CAMTA1: variants seen among roughly 807,000 people sequenced by gnomAD.
CAMTA1 encodes calmodulin-binding transcription activator 1.
Under a neutral mutation model 170.9 loss-of-function variants are expected in CAMTA1, and 27 were observed. The ratio of observed to expected loss-of-function variants is 0.16; its 90% CI spans 0.12 to 0.22. CAMTA1 has a LOEUF of 0.22. CAMTA1 is among the 10% of genes least tolerant of loss of function. CAMTA1 has a pLI of 1.00. For missense variants in CAMTA1, 1,619 were observed against 2,217.2 expected (o/e 0.73, Z 5.42); for synonymous variants, 833 against 891.5 (o/e 0.93, Z 1.17).
chr1:7,535,127 G>T (rs2094534505), intron 6 of CAMTA1, among the ~76,000 whole-genome samples: 1 of 151,618 alleles, frequency 6.6e-6, no homozygotes, highest in Non-Finnish European at 1.5e-5. Context: ...GCAGGTCCAT[G>T]CCAGGGGTGA....
At chr1:7,231,265 G>A (rs1458589694) in intron 4 of CAMTA1, among the ~76,000 whole-genome samples, 1 of 152,150 alleles carries the variant, frequency 6.6e-6, no homozygotes, top group Non-Finnish European at 1.5e-5. Flanking sequence ...AAGCCAAGCA[G>A]GCTGGCTCAG....
At chr1:7,586,176 G>C (rs1418827195) in intron 6 of CAMTA1, among the ~76,000 whole-genome samples, 1 of 152,046 alleles carries the variant, frequency 6.6e-6, no homozygotes, top group South Asian at 2.1e-4. Context: ...TCAGGGCCCC[G>C]GGCACCCTCC....
intron 4 of CAMTA1, among the ~76,000 whole-genome samples, chr1:7,110,319 G>A (rs548476951): frequency 2.6e-5 from 4 of 152,050 alleles, no homozygotes; most frequent in South Asian, 2.1e-4. Flanking sequence ...GGGCTAGAAT[G>A]TTCTGAGGCA....
chr1:6,876,375 T>A (rs1391949227), intron 3 of CAMTA1, among the ~76,000 whole-genome samples: 2 of 151,928 alleles, frequency 1.3e-5, no homozygotes, highest in Admixed American at 1.3e-4. Flanking sequence ...ATTTTTTTTT[T>A]TTTGAGACGG....
chr1:7,461,446 A>AGCACTTGAAATGTGGCTGCTGC, intron 5 of CAMTA1, among the ~76,000 whole-genome samples: 1 of 152,244 alleles, frequency 6.6e-6, no homozygotes, highest in Non-Finnish European at 1.5e-5. Context: ...GTGGCTGTTG[A>AGCACTTGAAATGTGGCTGCTGC]GCACTTGAAA....
chr1:6,952,702 C>T (rs991555290), intron 3 of CAMTA1, among the ~76,000 whole-genome samples: 4 of 152,024 alleles, frequency 2.6e-5, no homozygotes, highest in East Asian at 1.9e-4. Flanking sequence ...GGTGTGGTGA[C>T]GGGCATCTGT....
At chr1:7,223,785 G>T (rs1298473209) in intron 4 of CAMTA1, among the ~76,000 whole-genome samples, 1 of 152,188 alleles carries the variant, frequency 6.6e-6, no homozygotes, top group Non-Finnish European at 1.5e-5. Context: ...TGAATAAGGA[G>T]CTTAGAAGAG....
chr1:6,906,700 C>T (rs1417446349), intron 3 of CAMTA1, among the ~76,000 whole-genome samples: 1 of 152,224 alleles, frequency 6.6e-6, no homozygotes, highest in Non-Finnish European at 1.5e-5. Flanking sequence ...CTTCCCCACT[C>T]TGGCTGTTGT....
chr1:7,356,238 T>C (rs1360900001), intron 5 of CAMTA1, among the ~76,000 whole-genome samples: 1 of 152,234 alleles, frequency 6.6e-6, no homozygotes, highest in Non-Finnish European at 1.5e-5. Flanking sequence ...AACATGCCTA[T>C]GAAGAGGTGT....
intron 5 of CAMTA1, among the ~76,000 whole-genome samples, chr1:7,406,605 T>G (rs1394933548): frequency 1.3e-5 from 2 of 151,754 alleles, no homozygotes; most frequent in African/African-American, 4.8e-5. Context: ...CACACACGGA[T>G]GTACACACAC....
chr1:7,678,700 G>T (rs754954551), intron 11 of CAMTA1, among the ~76,000 whole-genome samples: 1 of 152,196 alleles, frequency 6.6e-6, no homozygotes, highest in Admixed American at 6.5e-5. Context: ...GCCCACAGAG[G>T]TGACACTCCA....
intron 3 of CAMTA1, among the ~76,000 whole-genome samples, chr1:6,868,035 G>T (rs932333739): frequency 6.6e-6 from 1 of 152,076 alleles, no homozygotes; most frequent in Non-Finnish European, 1.5e-5. Context: ...AAACTTCTGG[G>T]CTCAAGTGAT....
In CAMTA1 at chr1:7,014,760, C is replaced by T. The variant is rs1044603122; in HGVS notation, c.235-76544C>T. Among the ~76,000 whole-genome samples the T allele has an allele frequency of 4.6e-5, 7 of 152,274 alleles. No homozygotes were observed. The highest frequency in any genetic ancestry group is 1.7e-4 in the African/African-American group (7 of 41,562). The stretch of plus-strand genomic sequence containing the variant: ...GCCGAGGGGGCCAGTCTAGAGGTTA[C>T]ACATTCTGAGCTACCTTTCGGGGTC... On this transcript the variant is annotated intron_variant, in intron 3 of 22. Transcript: ENST00000303635. This position sits in a 1 kb window ranked among gnomAD's most constrained non-coding sequence, Gnocchi z 4.2.
At chr1:7,175,984 C>T (rs1431301575) in intron 4 of CAMTA1, among the ~76,000 whole-genome samples, 1 of 152,176 alleles carries the variant, frequency 6.6e-6, no homozygotes, top group Non-Finnish European at 1.5e-5. Context: ...TGAAGTGGGT[C>T]AGCAAAGCAG....
At chr1:7,522,195 AG>A (rs1377596323) in intron 6 of CAMTA1, among the ~76,000 whole-genome samples, 1 of 152,146 alleles carries the variant, frequency 6.6e-6, no homozygotes, top group East Asian at 1.9e-4. Flanking sequence ...ACATTTTGAT[AG>A]GTATGTAGTA....
Position 7,334,005 on chromosome 1 carries a change from G to A in CAMTA1, c.438+84379G>A, listed in dbSNP as rs564788404. On this transcript the variant is annotated intron_variant, in intron 5 of 22. Transcript: ENST00000303635. ...GCCTGATGTGGGCAAATTGTGTCAC[G>A]TAGCCAGGCAAGTGGGAAGGAGAGG... Among the ~76,000 whole-genome samples the A allele has an allele frequency of 1.6e-4, 24 of 152,286 alleles. No individual in the cohort carries two copies. The South Asian group carries it at 4.1e-3, about 26-fold the overall frequency.
Position 7,179,411 on chromosome 1 carries a change from A to G in CAMTA1, c.303-70080A>G, listed in dbSNP as rs143475734. Among the ~76,000 whole-genome samples, 943 of 152,344 alleles carry G rather than the reference A, an allele frequency of 6.2e-3. 4 individuals carry two copies. Among genetic ancestry groups the G allele is most frequent in the African/African-American group, 0.022 (899 of 41,568 alleles). ...GAAGATAGGTATTATGGAGATATAG[A>G]TATCTTTATGTATACATTTATGCCA... is the stretch of plus-strand genomic sequence containing the variant. On this transcript the variant is annotated intron_variant, in intron 4 of 22. Transcript: ENST00000303635.
rs1000445902 is a variant in CAMTA1 at position 7,293,433 on chromosome 1, G to A, written c.438+43807G>A. On this transcript the variant is annotated intron_variant, in intron 5 of 22. Coordinates refer to ENST00000303635, the MANE Select transcript of CAMTA1 (RefSeq NM_015215.4). The surrounding 1 kb of genome is among the most constrained non-coding windows in gnomAD (Gnocchi z 4.1). ...GTCGTTTGTCAGTGAAGACAGAAGA[G>A]TCACAATGAGCCGATTTATAGAGTA... Among the ~76,000 whole-genome samples the A allele has an allele frequency of 6.6e-6, 1 of 152,102 alleles. No homozygotes were observed. The highest frequency in any genetic ancestry group is 2.4e-5 in the African/African-American group (1 of 41,356).
rs572806043 is a variant in CAMTA1, at chr1:7,440,346, A to G, written c.439-27484A>G. On this transcript the variant is annotated intron_variant, in intron 5 of 22. Transcript: ENST00000303635. Reference sequence around the variant, plus strand: ...TGCAGCCTGGGCAGGCCGGAGGCCAATGTCCCCAGGGCAGAGCTGGGACAG... The same window carrying G: ...TGCAGCCTGGGCAGGCCGGAGGCCAGTGTCCCCAGGGCAGAGCTGGGACAG... Among the ~76,000 whole-genome samples, 19 of 152,356 alleles carry G rather than the reference A, an allele frequency of 1.2e-4. No individual in the cohort carries two copies. In the South Asian group the frequency reaches 3.5e-3, roughly 28 times the overall value.
Sources: gnomAD v4.1 joint callset for allele counts (sites outside exome capture counted in the v4.1 genomes callset) on GRCh38, gnomAD v4.1.1 for gene constraint, Gnocchi (gnomAD v3.1) non-coding constraint, MANE v1.5 for transcripts, NCBI Gene and HGNC (gene_info 2026-07-23, HGNC 2026-07-21) for gene names.